Variants in SDK1 observed in about 807,000 individuals in gnomAD.
SDK1 encodes the protein protein sidekick-1.
SDK1 carries 157 observed loss-of-function variants against 245.5 expected under a neutral mutation model. That is an observed-to-expected ratio of 0.64 (90% CI 0.56 to 0.73). The LOEUF (loss-of-function observed/expected upper bound fraction) is 0.73. SDK1 is among the 30% of genes least tolerant of loss of function. The probability of loss-of-function intolerance (pLI) is 0.00; values close to 1 mark genes in which losing one functional copy is unlikely to be tolerated. For synonymous variants in SDK1, 1,647 were observed against 1,278.5 expected (o/e 1.29, Z -6.15); for missense variants, 3,583 against 3,002.3 (o/e 1.19, Z -4.52).
rs183042055 is a variant in SDK1 at position 3,966,888 on chromosome 7, G to A, written c.1430-430G>A. Among the ~76,000 whole-genome samples the A allele has an allele frequency of 1.1e-4, 17 of 152,174 alleles. 1 individual carries two copies. Among genetic ancestry groups the A allele is most frequent in the Admixed American group, 2.6e-4 (4 of 15,280 alleles). On this transcript the variant is annotated intron_variant, in intron 9 of 44. Transcript: ENST00000404826. ...TTGGTAGAGACAGGGATCTCACTGT[G>A]TTGCCCAGGCTGGTCTCAAACTCCT...
At chr7:4,043,973 C>G (rs1394909578) in intron 17 of SDK1, among the ~76,000 whole-genome samples, 1 of 152,006 alleles carries the variant, frequency 6.6e-6, no homozygotes, top group Non-Finnish European at 1.5e-5. Flanking sequence ...CTTCCTTTTT[C>G]TCCTTCCTCC....
intron 14 of SDK1, among the ~76,000 whole-genome samples, chr7:3,991,411 C>G (rs1353875211): frequency 1.3e-5 from 2 of 152,162 alleles, no homozygotes; most frequent in Non-Finnish European, 1.5e-5. Flanking sequence ...CCTTGCTGTT[C>G]TACATGCTTC....
At chr7:4,113,976 C>A in intron 24 of SDK1, 61 bp from the exon 25 acceptor site, 1 of 1,448,462 alleles carries the variant, frequency 6.9e-7, no homozygotes, top group Non-Finnish European at 9.6e-7. Flanking sequence ...CCATCCCTTA[C>A]AACCCGTGAG....
chr7:3,620,062 C>A (rs915192337), intron 2 of SDK1, among the ~76,000 whole-genome samples: 5 of 152,154 alleles, frequency 3.3e-5, no homozygotes, highest in African/African-American at 1.2e-4. Flanking sequence ...AAAATCATCG[C>A]TGCCATGCTT....
intron 1 of SDK1, among the ~76,000 whole-genome samples, chr7:3,454,495 T>C (rs1326832330): frequency 6.6e-6 from 1 of 151,450 alleles, no homozygotes; most frequent in Non-Finnish European, 1.5e-5. Flanking sequence ...AGATACAAAA[T>C]AGTTGCATTA....
At chr7:3,855,562 T>A (rs900435909) in intron 5 of SDK1, among the ~76,000 whole-genome samples, 1 of 151,976 alleles carries the variant, frequency 6.6e-6, no homozygotes, top group East Asian at 1.9e-4. Flanking sequence ...AAATAATGTA[T>A]GTAAAAAAAA....
At chr7:3,854,800 G>T (rs1462185266) in intron 5 of SDK1, among the ~76,000 whole-genome samples, 4 of 152,066 alleles carry the variant, frequency 2.6e-5, no homozygotes, top group Non-Finnish European at 5.9e-5. Context: ...AAAAAAGATA[G>T]GTACATAGAT....
intron 4 of SDK1, among the ~76,000 whole-genome samples, chr7:3,756,764 G>A (rs80158891): frequency 1.3e-5 from 2 of 152,124 alleles, no homozygotes; most frequent in Admixed American, 6.5e-5. Flanking sequence ...TCTTTGGGTC[G>A]TGTCCCTATA....
chr7:3,809,354 C>T (rs1445275185), intron 4 of SDK1, among the ~76,000 whole-genome samples: 1 of 152,130 alleles, frequency 6.6e-6, no homozygotes, highest in East Asian at 1.9e-4. Flanking sequence ...CACCAGGCCC[C>T]ACCTCCCATA....
intron 4 of SDK1, among the ~76,000 whole-genome samples, chr7:3,647,252 A>G (rs540646695): frequency 3.3e-5 from 5 of 152,258 alleles, no homozygotes; most frequent in Admixed American, 2.6e-4. Flanking sequence ...CCCTCTCTCT[A>G]TTTTTTAAAT....
intron 1 of SDK1, among the ~76,000 whole-genome samples, chr7:3,492,254 T>C (rs1781884077): frequency 3.3e-5 from 5 of 152,214 alleles, no homozygotes; most frequent in Admixed American, 1.3e-4. Context: ...TTGTGAATTT[T>C]AGAGTAATAT....
chr7:3,775,617 C>T (rs563087403), intron 4 of SDK1, among the ~76,000 whole-genome samples: 21 of 150,982 alleles, frequency 1.4e-4, no homozygotes, highest in African/African-American at 2.2e-4. Flanking sequence ...TCGCCCAGGC[C>T]GGACTGCGGA....
chr7:3,789,403 C>T (rs1425901287), intron 4 of SDK1, among the ~76,000 whole-genome samples: 3 of 152,240 alleles, frequency 2.0e-5, no homozygotes, highest in Non-Finnish European at 2.9e-5. Context: ...TCGCCTCAGC[C>T]TCCCAAAGTG....
intron 4 of SDK1, among the ~76,000 whole-genome samples, chr7:3,775,138 G>A (rs1163825359): frequency 1.3e-5 from 2 of 152,110 alleles, no homozygotes; most frequent in Non-Finnish European, 2.9e-5. Context: ...GAATTACTTG[G>A]GTCATTGTTC....
At chr7:3,441,480 C>T (rs1350594358) in intron 1 of SDK1, among the ~76,000 whole-genome samples, 1 of 152,156 alleles carries the variant, frequency 6.6e-6, no homozygotes, top group Non-Finnish European at 1.5e-5. Flanking sequence ...TCCCTTCCTT[C>T]ACTGAATTGC....
chr7:3,570,432 CA>C (rs1037106068), intron 1 of SDK1, among the ~76,000 whole-genome samples: 6 of 152,120 alleles, frequency 3.9e-5, no homozygotes, highest in African/African-American at 1.4e-4. Flanking sequence ...TCCTGCTGTG[CA>C]GCTGGTTCCT....
intron 1 of SDK1, among the ~76,000 whole-genome samples, chr7:3,444,508 T>A (rs996237992): frequency 6.6e-6 from 1 of 152,220 alleles, no homozygotes; most frequent in African/African-American, 2.4e-5. Flanking sequence ...AACTATTTTC[T>A]CCTTATTTAA....
chr7:3,431,002 G>A (rs1779829678), intron 1 of SDK1, among the ~76,000 whole-genome samples: 1 of 152,202 alleles, frequency 6.6e-6, no homozygotes, highest in South Asian at 2.1e-4. Flanking sequence ...TCGGGTTCAA[G>A]TGATTCTTCT....
intron 1 of SDK1, among the ~76,000 whole-genome samples, chr7:3,506,557 A>G (rs1014700804): frequency 1.3e-5 from 2 of 152,160 alleles, no homozygotes; most frequent in Non-Finnish European, 2.9e-5. Flanking sequence ...ACTCTGATGT[A>G]CTTTGATGAC....
Sources: allele counts gnomAD v4.1 joint callset (sites outside exome capture counted in the v4.1 genomes callset), GRCh38; gene constraint gnomAD v4.1.1; transcripts MANE v1.5; gene names NCBI Gene and HGNC (gene_info 2026-07-23, HGNC 2026-07-21).